CORIN: variants seen among roughly 807,000 people sequenced by gnomAD.
CORIN encodes atrial natriuretic peptide-converting enzyme.
In CORIN, 117 loss-of-function variants were observed where a neutral mutation model predicts 125.3. That is an observed-to-expected ratio of 0.93 (90% confidence interval 0.80 to 1.09). The LOEUF (loss-of-function observed/expected upper bound fraction) is 1.09. Among genes scored for constraint, CORIN ranks in the 50% least tolerant of loss-of-function variants. The pLI is 0.00. For missense variants in CORIN, 1,253 were observed against 1,306.7 expected, an observed-to-expected ratio of 0.96 and a Z score of 0.63; for synonymous variants, 450 against 466.4, an observed-to-expected ratio of 0.96 and a Z score of 0.45.
At chr4:47,811,788 A>C (rs1732074752) in intron 1 of CORIN, among the ~76,000 whole-genome samples, 1 of 152,216 alleles carries the variant, frequency 6.6e-6, no homozygotes, top group African/African-American at 2.4e-5. Context: ...TTTTGTACAT[A>C]CAGTTTTATT....
chr4:47,641,306 T>C (rs139943118), intron 16 of CORIN, among the ~76,000 whole-genome samples: 3 of 152,280 alleles, frequency 2.0e-5, no homozygotes, highest in Admixed American at 2.0e-4. Context: ...GTAAAAGAAA[T>C]ACTTACACAT....
intron 3 of CORIN, among the ~76,000 whole-genome samples, chr4:47,783,065 G>C (rs1337104372): frequency 2.0e-5 from 3 of 151,998 alleles, no homozygotes; most frequent in Non-Finnish European, 4.4e-5. Context: ...TTACTCTCTT[G>C]TCACTTTAAC....
At chr4:47,768,386 T>C (rs1275634282) in intron 3 of CORIN, among the ~76,000 whole-genome samples, 1 of 152,190 alleles carries the variant, frequency 6.6e-6, no homozygotes, top group Non-Finnish European at 1.5e-5. Flanking sequence ...TCACTATTAA[T>C]TCCACAAAAC....
chr4:47,764,179 T>C (rs759376340), intron 3 of CORIN, among the ~76,000 whole-genome samples: 18 of 152,200 alleles, frequency 1.2e-4, no homozygotes, highest in Non-Finnish European at 2.1e-4. Flanking sequence ...CATAATATAA[T>C]AAGTAAAAGT....
intron 5 of CORIN, among the ~76,000 whole-genome samples, chr4:47,708,535 C>T (rs1451827509): frequency 6.6e-6 from 1 of 152,168 alleles, no homozygotes; most frequent in South Asian, 2.1e-4. Context: ...AATTACAGGT[C>T]CCAGGATTTA....
rs757974145 is a variant in CORIN, at chr4:47,763,424, C to A, written c.572G>T (p.Gly191Val). The change falls in exon 4 of 22, where the codon GGC (glycine) becomes GTC (valine). Residue 191 changes from glycine (G) to valine (V), a missense_variant. Physicochemically the swap from Gly to Val is moderately radical, Grantham distance 109 (BLOSUM62 -3). Transcript: ENST00000273857. Reference sequence around the variant, plus strand: ...GCACTCAGGGAAGGCGAGGGTACAGCCAAACAGCATGATATGTTGATAGCA... The same window carrying A: ...GCACTCAGGGAAGGCGAGGGTACAGACAAACAGCATGATATGTTGATAGCA... ...LSCYQHIMLF[G>V]CTLAFPECII... 3 of 1,614,042 alleles carry A rather than the reference C, an allele frequency of 1.9e-6. No homozygotes were observed. The highest frequency in any genetic ancestry group is 4.5e-5 in the East Asian group (2 of 44,862).
intron 5 of CORIN, among the ~76,000 whole-genome samples, chr4:47,693,994 T>C (rs1401189135): frequency 6.6e-6 from 1 of 152,214 alleles, no homozygotes; most frequent in Non-Finnish European, 1.5e-5. Flanking sequence ...AAGGAAATCA[T>C]TATGAATTTA....
chr4:47,813,361 T>G (rs758232788), intron 1 of CORIN, among the ~76,000 whole-genome samples: 5 of 152,194 alleles, frequency 3.3e-5, no homozygotes, highest in Non-Finnish European at 7.4e-5. Flanking sequence ...TCCCAATACC[T>G]AATTTAAAAA....
intron 4 of CORIN, among the ~76,000 whole-genome samples, chr4:47,752,866 A>T (rs1728964681): frequency 6.6e-6 from 1 of 152,242 alleles, no homozygotes; most frequent in African/African-American, 2.4e-5. Flanking sequence ...AACAGATCAC[A>T]AAAGAAATGT....
intron 4 of CORIN, among the ~76,000 whole-genome samples, chr4:47,747,382 A>C (rs1474259995): frequency 6.6e-6 from 1 of 152,194 alleles, no homozygotes; most frequent in Non-Finnish European, 1.5e-5. Context: ...TAAAGGGAAA[A>C]AAAAACATTC....
At chr4:47,736,741 T>C (rs1291679983) in intron 5 of CORIN, among the ~76,000 whole-genome samples, 3 of 152,216 alleles carry the variant, frequency 2.0e-5, no homozygotes, top group African/African-American at 7.2e-5. Flanking sequence ...CTACAATCTG[T>C]GTATGCCTTG....
At chr4:47,776,961 T>C (rs559730637) in intron 3 of CORIN, among the ~76,000 whole-genome samples, 2 of 152,346 alleles carry the variant, frequency 1.3e-5, no homozygotes, top group South Asian at 4.1e-4. Context: ...TAAAATGGTA[T>C]GAATTAGCAA....
chr4:47,778,153 TGTTCTTCCTAAA>T (rs1016402104), intron 3 of CORIN, among the ~76,000 whole-genome samples: 4 of 152,236 alleles, frequency 2.6e-5, no homozygotes, highest in Non-Finnish European at 4.4e-5. Context: ...ATTATTAGGC[TGTTCTTCCTAAA>T]GAGGAAATTG....
intron 1 of CORIN, among the ~76,000 whole-genome samples, chr4:47,810,253 T>A (rs1732009031): frequency 6.6e-6 from 1 of 152,176 alleles, no homozygotes; most frequent in Non-Finnish European, 1.5e-5. Context: ...AGTGGCATGA[T>A]CTCGGCTCAT....
intron 2 of CORIN, among the ~76,000 whole-genome samples, chr4:47,805,416 C>T (rs1021988241): frequency 2.0e-5 from 3 of 152,116 alleles, no homozygotes; most frequent in Non-Finnish European, 2.9e-5. Context: ...CTCTCTCCCT[C>T]ACACCAAAAT....
At chr4:47,634,015 T>A (rs1355745096) in intron 16 of CORIN, among the ~76,000 whole-genome samples, 1 of 152,114 alleles carries the variant, frequency 6.6e-6, no homozygotes, top group African/African-American at 2.4e-5. Context: ...TAAACAAATA[T>A]TGAATTAACT....
intron 16 of CORIN, among the ~76,000 whole-genome samples, chr4:47,635,645 G>T (rs2109591188): frequency 6.6e-6 from 1 of 152,312 alleles, no homozygotes; most frequent in South Asian, 2.1e-4. Context: ...TGCAGTGTCT[G>T]ACAGGTCAGA....
At chr4:47,618,428 G>C (rs4694861) in intron 19 of CORIN, among the ~76,000 whole-genome samples, 40,597 of 151,372 alleles carry the variant, frequency 0.27, 5,610 homozygotes, top group Admixed American at 0.35. Context: ...CCTGCCCAGT[G>C]TGTTGGAAAA....
At chr4:47,656,504 G>A (rs907593776) in intron 12 of CORIN, among the ~76,000 whole-genome samples, 3 of 152,026 alleles carry the variant, frequency 2.0e-5, no homozygotes, top group Admixed American at 2.0e-4. Flanking sequence ...ATCAATCAAT[G>A]TGATACATCA....
Sources: gnomAD v4.1 joint callset for allele counts (sites outside exome capture counted in the v4.1 genomes callset) on GRCh38, gnomAD v4.1.1 for gene constraint, MANE v1.5 for transcripts, NCBI Gene and HGNC (gene_info 2026-07-23, HGNC 2026-07-21) for gene names.